The following TCERG1L variants were observed in gnomAD, a reference collection of about 807,000 sequenced individuals.
The protein encoded by TCERG1L is transcription elongation regulator 1 like, also known as transcription elongation regulator 1-like protein.
TCERG1L carries 37 observed loss-of-function variants against 56.3 expected under a neutral mutation model. The ratio of observed to expected loss-of-function variants is 0.66; its 90% CI spans 0.51 to 0.87. The LOEUF is 0.87. TCERG1L is among the 40% of genes least tolerant of loss of function. The probability of loss-of-function intolerance (pLI) is 0.00; values close to 1 mark genes in which losing one functional copy is unlikely to be tolerated. For synonymous variants in TCERG1L, 324 were observed against 326.3 expected, an observed-to-expected ratio of 0.99 and a Z score of 0.08; for missense variants, 799 against 774.2, an observed-to-expected ratio of 1.03 and a Z score of -0.38.
At chr10:131,188,142 G>A (rs1845266235) in intron 4 of TCERG1L, among the ~76,000 whole-genome samples, 1 of 152,250 alleles carries the variant, frequency 6.6e-6, no homozygotes, top group Non-Finnish European at 1.5e-5. Context: ...AAGATGGAGG[G>A]CTTGGCTGTC....
chr10:131,251,540 C>T (rs1846111618), intron 4 of TCERG1L, among the ~76,000 whole-genome samples: 1 of 152,158 alleles, frequency 6.6e-6, no homozygotes, highest in African/African-American at 2.4e-5. Context: ...TCAGCTTCTA[C>T]TGTGTTCCGG....
intron 11 of TCERG1L, among the ~76,000 whole-genome samples, chr10:131,096,018 T>G (rs1845241332): frequency 6.6e-6 from 1 of 152,222 alleles, no homozygotes; most frequent in Non-Finnish European, 1.5e-5. Context: ...AATGATGGTC[T>G]CAATAGCAGT....
In TCERG1L at chr10:131,116,782, C is replaced by T; in HGVS notation, c.1395+17G>A. ...GGTCTGCCGTAGGAGTGCAGCCCCTCAGCCGCTGTGCCTTACCCCTCTCTC... is the reference window on the plus strand; with the variant it reads ...GGTCTGCCGTAGGAGTGCAGCCCCTTAGCCGCTGTGCCTTACCCCTCTCTC... On this transcript the variant is annotated intron_variant, in intron 9 of 11. Transcript: ENST00000368642. 1.3e-6 allele frequency: 2 copies of T among 1,550,524 alleles called. No individual in the cohort carries two copies. Among genetic ancestry groups the T allele is most frequent in the East Asian group, 2.4e-5 (1 of 41,202 alleles).
intron 7 of TCERG1L, among the ~76,000 whole-genome samples, chr10:131,144,245 C>A (rs775785034): frequency 7.2e-5 from 11 of 152,158 alleles, no homozygotes; most frequent in Non-Finnish European, 1.2e-4. Context: ...ATATTCAAAT[C>A]TACAATGACT....
intron 3 of TCERG1L, among the ~76,000 whole-genome samples, chr10:131,285,497 AAAG>A (rs1354386439): frequency 0.016 from 390 of 24,428 alleles, 14 homozygotes; most frequent in East Asian, 0.1. Flanking sequence ...AGAAAGAAAG[AAAG>A]AAAGAAAGAA....
chr10:131,184,174 G>A (rs565015265), intron 4 of TCERG1L, among the ~76,000 whole-genome samples: 1 of 152,340 alleles, frequency 6.6e-6, no homozygotes, highest in African/African-American at 2.4e-5. Flanking sequence ...TGCACTAAGC[G>A]ATGACTTCAT....
rs78814514 is a variant in TCERG1L at position 131,227,713 on chromosome 10, G to T, written c.856+32546C>A. ...CCCACTGAAAAGATGAATGAGTTAC[G>T]GACATGAGCAAAGAACCCAAGATAC... On this transcript the variant is annotated intron_variant, in intron 4 of 11. Transcript: ENST00000368642. Among the ~76,000 whole-genome samples the T allele has an allele frequency of 3.3e-5, 5 of 150,476 alleles. 1 individual carries two copies. Among genetic ancestry groups the T allele is most frequent in the Admixed American group, 2.0e-4 (3 of 15,050 alleles).
chr10:131,156,446 A>C (rs1456048049), intron 6 of TCERG1L, among the ~76,000 whole-genome samples: 1 of 152,164 alleles, frequency 6.6e-6, no homozygotes, highest in Non-Finnish European at 1.5e-5. Context: ...GAGCCAAAGC[A>C]TGTCCCTGGG....
Position 131,311,589 on chromosome 10 carries a change from T to TGCTGCAGCTGCCGCCGCCGCC in TCERG1L, c.26_46dup (p.Arg9_Gln15dup). The TGCTGCAGCTGCCGCCGCCGCC allele has an allele frequency of 8.7e-7, 1 of 1,145,446 alleles. No homozygotes were observed. The highest frequency in any genetic ancestry group is 1.1e-6 in the Non-Finnish European group (1 of 934,218). 71.0% of individuals were successfully genotyped at this position (1,145,446 alleles called of 1,614,324 possible). On this transcript the variant is annotated inframe_insertion, in exon 1 of 12. Coordinates refer to ENST00000368642, the MANE Select transcript of TCERG1L (RefSeq NM_174937.4). The surrounding 1 kb of genome is among the most constrained non-coding windows in gnomAD (Gnocchi z 4.0). ...AGGCTGCCGCCGCCGGGGCTGCTGC[T>TGCTGCAGCTGCCGCCGCCGCC]GCTGCAGCTGCCGCCGCCGCCGCTG...
chr10:131,262,132 T>C (rs1360341972), intron 3 of TCERG1L, among the ~76,000 whole-genome samples: 1 of 152,138 alleles, frequency 6.6e-6, no homozygotes, highest in East Asian at 1.9e-4. Flanking sequence ...ACTTGGTTTT[T>C]ACTCCAAGCG....
intron 10 of TCERG1L, among the ~76,000 whole-genome samples, chr10:131,099,631 G>A (rs546652450): frequency 1.4e-4 from 21 of 152,252 alleles, no homozygotes; most frequent in Non-Finnish European, 2.5e-4. Flanking sequence ...GTGGGCAGGT[G>A]AAAGCCTCGA....
intron 2 of TCERG1L, 133 bp downstream of exon 2, chr10:131,309,020 A>G: frequency 9.8e-7 from 1 of 1,022,964 alleles, no homozygotes; most frequent in Non-Finnish European, 1.4e-6. Context: ...TAATCCTGAA[A>G]TGATTTATTT....
At chr10:131,272,017 A>C (rs979408158) in intron 3 of TCERG1L, among the ~76,000 whole-genome samples, 5 of 152,348 alleles carry the variant, frequency 3.3e-5, no homozygotes, top group Non-Finnish European at 7.3e-5. Context: ...CAGGCACAGA[A>C]GACAGGCCCA....
chr10:131,248,046 T>C (rs111382079), intron 4 of TCERG1L, among the ~76,000 whole-genome samples: 1,792 of 149,620 alleles, frequency 0.012, 36 homozygotes, highest in African/African-American at 0.038. Flanking sequence ...CTCACACACA[T>C]TGTAAATTCA....
chr10:131,249,849 C>T (rs919580970), intron 4 of TCERG1L, among the ~76,000 whole-genome samples: 2 of 152,118 alleles, frequency 1.3e-5, no homozygotes, highest in Non-Finnish European at 2.9e-5. Flanking sequence ...AAAAGCACTC[C>T]GCCTGGCAAA....
chr10:131,146,599 C>T lies in TCERG1L; in HGVS notation c.1096G>A (p.Val366Ile). Residue 366 changes from valine to isoleucine, a missense_variant, in exon 7 of 12, where the codon GTC (valine) becomes ATC (isoleucine). Val to Ile is a conservative substitution (Grantham distance 29). Transcript: ENST00000368642. ...FFFNPTMHLS[V>I]WEKPMDLKDR... Reference sequence around the variant, plus strand: ...TTCAGGTCCATGGGCTTCTCCCAGACAGACAGGTGCATCGTTGGGTTGAAG... The same window carrying T: ...TTCAGGTCCATGGGCTTCTCCCAGATAGACAGGTGCATCGTTGGGTTGAAG... The T allele has an allele frequency of 1.2e-6, 2 of 1,613,944 alleles. No individual in the cohort carries two copies. Among genetic ancestry groups the T allele is most frequent in the Non-Finnish European group, 1.7e-6 (2 of 1,179,854 alleles).
At position 131,294,394 on chromosome 10, in the gene TCERG1L, C is replaced by T. The variant is rs150646429; in HGVS notation, c.670+13817G>A. ...CTCTGATGAGCCACTTCTGTAACTG[C>T]CCCCTCCTGATGATTTGCCCATTAT... On this transcript the variant is annotated intron_variant, in intron 3 of 11. Coordinates refer to ENST00000368642, the MANE Select transcript of TCERG1L (RefSeq NM_174937.4). Among the ~76,000 whole-genome samples, 20 of 152,296 alleles carry T rather than the reference C, an allele frequency of 1.3e-4. No individual in the cohort carries two copies. The East Asian group carries it at 3.7e-3, about 28-fold the overall frequency.
rs374828414 is a variant in TCERG1L at position 131,107,858 on chromosome 10, C to T, written c.1396-3504G>A. Among the ~76,000 whole-genome samples the T allele has an allele frequency of 1.7e-4, 26 of 152,178 alleles. 1 individual carries two copies. Among genetic ancestry groups the T allele is most frequent in the Admixed American group, 1.2e-3 (19 of 15,288 alleles). On this transcript the variant is annotated intron_variant, in intron 9 of 11. Transcript: ENST00000368642. Reference sequence around the variant, plus strand: ...CCCAGGACACGCTAAGATATACATACGCAGGCACACATGTACACATGCACA... The same window carrying T: ...CCCAGGACACGCTAAGATATACATATGCAGGCACACATGTACACATGCACA...
rs191160307 is a variant in TCERG1L at position 131,291,628 on chromosome 10, G to A, written c.670+16583C>T. ...TTTTTAGTAGAAACGGGGTTTCACC[G>A]TGTTAGCCAAGGTGGTCTCGATCTC... On this transcript the variant is annotated intron_variant, in intron 3 of 11. Coordinates refer to ENST00000368642, the MANE Select transcript of TCERG1L (RefSeq NM_174937.4). 1.4e-3 allele frequency among the ~76,000 whole-genome samples: 216 copies of A among 151,122 alleles called. 1 individual carries two copies. The highest frequency in any genetic ancestry group is 4.9e-3 in the African/African-American group (204 of 41,218).
Sources: allele counts gnomAD v4.1 joint callset (sites outside exome capture counted in the v4.1 genomes callset), GRCh38; gene constraint gnomAD v4.1.1; non-coding constraint Gnocchi (gnomAD v3.1); transcripts MANE v1.5; gene names NCBI Gene and HGNC (gene_info 2026-07-23, HGNC 2026-07-21).